Variants in SELP observed in about 807,000 individuals in gnomAD.
SELP encodes P-selectin.
SELP carries 92 observed loss-of-function variants against 104.1 expected under a neutral mutation model. The ratio of observed to expected loss-of-function variants is 0.88; its 90% CI spans 0.75 to 1.05. The LOEUF (loss-of-function observed/expected upper bound fraction) is 1.05. Ranked by LOEUF, SELP falls within the 50% of genes least tolerant of loss-of-function variation. The probability of loss-of-function intolerance (pLI) is 0.00; values close to 1 mark genes in which losing one functional copy is unlikely to be tolerated. For synonymous variants in SELP, 397 were observed against 364.5 expected (o/e 1.09, Z -1.01); for missense variants, 1,022 against 1,017.3 (o/e 1.00, Z -0.06).
intron 10 of SELP, among the ~76,000 whole-genome samples, chr1:169,598,770 G>A (rs1049694082): frequency 2.0e-5 from 3 of 152,208 alleles, no homozygotes; most frequent in Admixed American, 6.6e-5. Flanking sequence ...GTATCCCAGA[G>A]AACAGGGCCT....
At chr1:169,626,240 C>A (rs1249855206) in intron 1 of SELP, among the ~76,000 whole-genome samples, 1 of 152,186 alleles carries the variant, frequency 6.6e-6, no homozygotes, top group East Asian at 1.9e-4. Context: ...TCACATCGGG[C>A]TTTGGGATCC....
chr1:169,629,640 C>A (rs2101942247), intron 1 of SELP, among the ~76,000 whole-genome samples: 1 of 152,300 alleles, frequency 6.6e-6, no homozygotes, highest in Middle Eastern at 3.4e-3. Context: ...CCTACCCAGT[C>A]TTCCATTTAT....
chr1:169,593,824 G>A (rs17522707), intron 13 of SELP, 100 bp from the exon 14 acceptor site: 102,158 of 1,163,380 alleles, frequency 0.088, 4,845 homozygotes, highest in Non-Finnish European at 0.1. Context: ...TAAGATGTGC[G>A]ATCAAGTAGG....
In SELP at chr1:169,626,358, G is replaced by A. The variant is rs943390195; in HGVS notation, c.3+3714C>T. Among the ~76,000 whole-genome samples the A allele has an allele frequency of 2.6e-5, 4 of 152,238 alleles. No homozygotes were observed. The East Asian group carries it at 5.8e-4, about 22-fold the overall frequency. On this transcript the variant is annotated intron_variant, in intron 1 of 16. Transcript: ENST00000263686. ...ACACTTTATGAGGCCAAGGCAGGCAGATCCCTTGAGGTCAGAAGTTCAAGA... is the reference window on the plus strand; with the variant it reads ...ACACTTTATGAGGCCAAGGCAGGCAAATCCCTTGAGGTCAGAAGTTCAAGA...
Position 169,612,258 on chromosome 1 carries a change from G to A in SELP, c.920C>T (p.Thr307Ile), listed in dbSNP as rs767385294. The A allele has an allele frequency of 6.2e-7, 1 of 1,614,106 alleles. No homozygotes were observed. The highest frequency in any genetic ancestry group is 8.5e-7 in the Non-Finnish European group (1 of 1,179,998). ...TGGGGCTGTCCATACCCCCGAGGCT[G>A]TGCATTGCACCACTTCCGGTCCAAC... is the stretch of plus-strand genomic sequence containing the variant. Reference protein sequence around the residue: ...ALVGPEVVQCTASGVWTAPAP... With the variant: ...ALVGPEVVQCIASGVWTAPAP... The change falls in exon 6 of 17, where the codon ACA becomes ATA. Residue 307 changes from threonine (T) to isoleucine (I), a missense_variant. Coordinates refer to ENST00000263686, the MANE Select transcript of SELP (RefSeq NM_003005.4).
chr1:169,617,692 C>G (rs925203511), intron 2 of SELP, among the ~76,000 whole-genome samples: 1 of 151,962 alleles, frequency 6.6e-6, no homozygotes, highest in Admixed American at 6.6e-5. Context: ...TAGGAGGGAC[C>G]CTGGAAGTCA....
intron 9 of SELP, among the ~76,000 whole-genome samples, chr1:169,606,569 G>A (rs913573373): frequency 2.7e-4 from 41 of 151,772 alleles, no homozygotes; most frequent in African/African-American, 9.0e-4. Flanking sequence ...TGCCAGACCA[G>A]CCTTGGGACA....
chr1:169,627,037 G>A lies in SELP; in HGVS notation c.3+3035C>T, dbSNP rs558178425. Among the ~76,000 whole-genome samples, 15 of 152,224 alleles carry A rather than the reference G, an allele frequency of 9.9e-5. No individual in the cohort carries two copies. The South Asian group carries it at 3.1e-3, about 32-fold the overall frequency. Reference sequence around the variant, plus strand: ...AGGGAGATTGCACTGCAAAAGAAGAGGCTATTGCAATGGTCCCAGTGAGAG... The same window carrying A: ...AGGGAGATTGCACTGCAAAAGAAGAAGCTATTGCAATGGTCCCAGTGAGAG... On this transcript the variant is annotated intron_variant, in intron 1 of 16. Transcript: ENST00000263686.
intron 7 of SELP, 39 bp downstream of exon 7, chr1:169,611,453 T>A (rs2101902348): frequency 1.2e-6 from 2 of 1,603,790 alleles, no homozygotes; most frequent in East Asian, 4.5e-5. Context: ...CCATGATTCC[T>A]TCTTGGACAG....
intron 9 of SELP, among the ~76,000 whole-genome samples, chr1:169,604,067 A>G (rs1370412755): frequency 6.6e-6 from 1 of 152,170 alleles, no homozygotes; most frequent in Non-Finnish European, 1.5e-5. Flanking sequence ...AGTCCCACCA[A>G]CAGTGTAAAA....
intron 1 of SELP, among the ~76,000 whole-genome samples, chr1:169,629,769 G>A (rs1376741680): frequency 6.6e-6 from 1 of 152,196 alleles, no homozygotes; most frequent in East Asian, 1.9e-4. Context: ...TGCGGAGCCA[G>A]AGGACAGGCC....
At chr1:169,609,391 T>G in intron 8 of SELP, 113 bp downstream of exon 8, 1 of 1,043,848 alleles carries the variant, frequency 9.6e-7, no homozygotes, top group Non-Finnish European at 1.4e-6. Context: ...ACATGGCCCA[T>G]AGTAGGTTCT....
intron 10 of SELP, among the ~76,000 whole-genome samples, chr1:169,598,381 G>A (rs759806386): frequency 3.3e-5 from 5 of 152,112 alleles, no homozygotes; most frequent in Admixed American, 1.3e-4. Context: ...AGACCTATAT[G>A]CTCCCTCATG....
chr1:169,627,792 A>G (rs1271766253), intron 1 of SELP, among the ~76,000 whole-genome samples: 1 of 152,196 alleles, frequency 6.6e-6, no homozygotes, highest in Non-Finnish European at 1.5e-5. Context: ...TTGCATTTTG[A>G]AAAACAGGTA....
At chr1:169,610,429 C>A (rs907793470) in intron 7 of SELP, among the ~76,000 whole-genome samples, 1 of 152,124 alleles carries the variant, frequency 6.6e-6, no homozygotes, top group Non-Finnish European at 1.5e-5. Context: ...ATTTCTGAAA[C>A]TTTTCAAAGT....
At chr1:169,596,939 T>C in intron 11 of SELP, 52 bp downstream of exon 11, 1 of 1,488,478 alleles carries the variant, frequency 6.7e-7, no homozygotes, top group South Asian at 1.3e-5. Context: ...TGTTTGTTGT[T>C]GTAGAATAAA....
chr1:169,619,031 C>T, intron 2 of SELP, 98 bp downstream of exon 2: 1 of 975,590 alleles, frequency 1.0e-6, no homozygotes, highest in Non-Finnish European at 1.5e-6. Context: ...TTTCCCATGC[C>T]TCAAACCAAC....
At position 169,609,614 on chromosome 1, in the gene SELP, T is replaced by C. The variant is rs377417756; in HGVS notation, c.1223A>G (p.Tyr408Cys). Reference sequence around the variant, plus strand: ...ACAGCGGAAGCTACAGTTGGTGTCATACTGAAACGCTCTCAAGGATGGAGA... The same window carrying C: ...ACAGCGGAAGCTACAGTTGGTGTCACACTGAAACGCTCTCAAGGATGGAGA... ...DCSPSLRAFQ[Y>C]DTNCSFRCAE... The change falls in exon 8 of 17, where the codon TAT (tyrosine) becomes TGT (cysteine). Residue 408 changes from tyrosine (Y) to cysteine (C), a missense_variant. Tyr to Cys is a radical substitution (Grantham distance 194). Coordinates refer to ENST00000263686, the MANE Select transcript of SELP (RefSeq NM_003005.4). The C allele has an allele frequency of 8.7e-6, 14 of 1,613,902 alleles. No individual in the cohort carries two copies. The African/African-American group carries it at 1.3e-4, about 15-fold the overall frequency.
rs575336856 is a variant in SELP, at chr1:169,589,475, A to G, written c.*2-14T>C. On this transcript the variant is annotated splice_polypyrimidine_tract_variant and intron_variant, in intron 16 of 16. Coordinates refer to ENST00000263686, the MANE Select transcript of SELP (RefSeq NM_003005.4). ...GTTTATGGAAACCTGCAGCAAATGCATTATAGTTAAGTCCAGTGTAGCAGG... is the reference window on the plus strand; with the variant it reads ...GTTTATGGAAACCTGCAGCAAATGCGTTATAGTTAAGTCCAGTGTAGCAGG... 2 of 152,418 alleles carry G rather than the reference A, an allele frequency of 1.3e-5. No homozygotes were observed. Among genetic ancestry groups the G allele is most frequent in the South Asian group, 2.1e-4 (1 of 4,830 alleles). The allele number at this position is 152,418 out of a possible 1,614,324, so 9.4% of individuals were successfully genotyped here. A position where few individuals can be genotyped will look rare whatever the true frequency, so the allele number is the denominator to read the frequency against.
Sources: allele counts gnomAD v4.1 joint callset (sites outside exome capture counted in the v4.1 genomes callset), GRCh38; gene constraint gnomAD v4.1.1; transcripts MANE v1.5; gene names NCBI Gene and HGNC (gene_info 2026-07-23, HGNC 2026-07-21).